MAP2: variants seen among roughly 807,000 people sequenced by gnomAD.
MAP2 encodes microtubule-associated protein 2.
In MAP2, 14 loss-of-function variants were observed where a neutral mutation model predicts 137.6. The observed-to-expected ratio is 0.10, with a 90% CI of 0.07 to 0.16. The LOEUF (loss-of-function observed/expected upper bound fraction) is 0.16. Ranked by LOEUF, MAP2 falls within the 10% of genes least tolerant of loss-of-function variation. MAP2 has a pLI of 1.00. For missense variants in MAP2, 2,088 were observed against 2,191.5 expected (o/e 0.95, Z 0.94); for synonymous variants, 786 against 782.3 (o/e 1.00, Z -0.08).
At chr2:209,440,105 A>G (rs1470974343) in intron 1 of MAP2, among the ~76,000 whole-genome samples, 2 of 151,540 alleles carry the variant, frequency 1.3e-5, no homozygotes, top group Non-Finnish European at 3.0e-5. Flanking sequence ...TGTGAACAAG[A>G]CACCATAGTC....
rs1177830571 is a variant in MAP2 at position 209,694,660 on chromosome 2, G to A, written c.2490G>A (p.Arg830=). 1.4e-5 allele frequency: 23 copies of A among 1,614,142 alleles called. No individual in the cohort carries two copies. The highest frequency in any genetic ancestry group is 1.9e-5 in the Non-Finnish European group (23 of 1,180,022). The change falls in exon 8 of 16, where the codon AGG becomes AGA. Residue 830 remains arginine (R), a synonymous_variant. Coordinates refer to ENST00000682079, the MANE Select transcript of MAP2 (RefSeq NM_001375505.1). ...ASVSADAEVA[R]RKSVPSETVV... Reference sequence around the variant, plus strand: ...TGAGTGCAGATGCTGAGGTTGCCAGGAGGAAATCAGTCCCATCAGAGACTG... The same window carrying A: ...TGAGTGCAGATGCTGAGGTTGCCAGAAGGAAATCAGTCCCATCAGAGACTG...
intron 5 of MAP2, among the ~76,000 whole-genome samples, chr2:209,676,178 T>C (rs1248981431): frequency 4.0e-5 from 6 of 151,874 alleles, no homozygotes; most frequent in Admixed American, 3.3e-4. Context: ...GAAAATGTGG[T>C]ACATATACAC....
At chr2:209,522,206 G>T (rs1298795998) in intron 2 of MAP2, among the ~76,000 whole-genome samples, 1 of 151,998 alleles carries the variant, frequency 6.6e-6, no homozygotes, top group Non-Finnish European at 1.5e-5. Context: ...AGTAAAGACA[G>T]TAATATAAAT....
intron 3 of MAP2, among the ~76,000 whole-genome samples, chr2:209,592,176 G>T (rs2079436093): frequency 6.6e-6 from 1 of 152,052 alleles, no homozygotes; most frequent in South Asian, 2.1e-4. Context: ...GGCTTTGAGG[G>T]TCATCTAATC....
intron 3 of MAP2, among the ~76,000 whole-genome samples, chr2:209,611,062 A>G (rs1409003709): frequency 6.6e-6 from 1 of 152,226 alleles, no homozygotes; most frequent in Non-Finnish European, 1.5e-5. Flanking sequence ...ATAAGTTACT[A>G]GGAAAAAATA....
intron 3 of MAP2, among the ~76,000 whole-genome samples, chr2:209,586,263 A>G (rs1446730453): frequency 6.6e-6 from 1 of 152,122 alleles, no homozygotes; most frequent in East Asian, 1.9e-4. Context: ...GGGGTGCTAC[A>G]TGTGTAATCA....
At chr2:209,652,964 T>G (rs2094907802) in intron 4 of MAP2, among the ~76,000 whole-genome samples, 178 bp from the exon 5 acceptor site, 1 of 152,214 alleles carries the variant, frequency 6.6e-6, no homozygotes, top group Admixed American at 6.5e-5. Context: ...AGAAATGGTC[T>G]GTAAAACTCA....
intron 2 of MAP2, among the ~76,000 whole-genome samples, chr2:209,530,370 C>A (rs1166793619): frequency 6.6e-6 from 1 of 152,102 alleles, no homozygotes. Flanking sequence ...TTTGAGGATT[C>A]TTTTACTTAA....
In MAP2 at chr2:209,517,881, G is replaced by GA. The variant is rs2062744463; in HGVS notation, c.-172+10246dup. On this transcript the variant is annotated intron_variant, in intron 2 of 15. Transcript: ENST00000682079. Reference sequence around the variant, plus strand: ...AAACAGATTTTTTTTTTAAATAAGAGAAAAAACAAAAAGTAAAACAGCCTA... The same window carrying GA: ...AAACAGATTTTTTTTTTAAATAAGAGAAAAAAACAAAAAGTAAAACAGCCTA... 5.9e-5 allele frequency among the ~76,000 whole-genome samples: 9 copies of GA among 151,522 alleles called. No individual in the cohort carries two copies. In the South Asian group the frequency reaches 1.5e-3, roughly 25 times the overall value.
intron 2 of MAP2, among the ~76,000 whole-genome samples, chr2:209,527,410 G>A (rs2064234347): frequency 6.6e-6 from 1 of 152,080 alleles, no homozygotes; most frequent in South Asian, 2.1e-4. Flanking sequence ...AATAATATCT[G>A]TTCAATGAAT....
At chr2:209,535,219 G>A (rs1047170690) in intron 2 of MAP2, among the ~76,000 whole-genome samples, 14 of 152,126 alleles carry the variant, frequency 9.2e-5, no homozygotes, top group Non-Finnish European at 1.6e-4. Context: ...TTCAGCTAAC[G>A]TGTTTTCAAG....
intron 1 of MAP2, among the ~76,000 whole-genome samples, chr2:209,489,998 A>G (rs758180298): frequency 6.6e-6 from 1 of 152,234 alleles, no homozygotes; most frequent in Non-Finnish European, 1.5e-5. Flanking sequence ...CAAGATTGAA[A>G]TGAAGGAAAA....
chr2:209,589,063 C>G (rs2078532375), intron 3 of MAP2, among the ~76,000 whole-genome samples: 1 of 151,992 alleles, frequency 6.6e-6, no homozygotes, highest in Non-Finnish European at 1.5e-5. Flanking sequence ...ATGGAATAAG[C>G]TCCCTATGTT....
chr2:209,719,227 G>A (rs1584505670), intron 13 of MAP2, among the ~76,000 whole-genome samples: 1 of 152,290 alleles, frequency 6.6e-6, no homozygotes, highest in African/African-American at 2.4e-5. Flanking sequence ...GAGGAAGAGA[G>A]AAACGGTGTT....
intron 2 of MAP2, among the ~76,000 whole-genome samples, chr2:209,568,684 T>C (rs1163905419): frequency 6.7e-6 from 1 of 150,152 alleles, no homozygotes; most frequent in Non-Finnish European, 1.5e-5. Context: ...ATGTAGCATT[T>C]GATTTTGTAG....
At chr2:209,523,702 T>C (rs887928209) in intron 2 of MAP2, among the ~76,000 whole-genome samples, 4 of 152,188 alleles carry the variant, frequency 2.6e-5, no homozygotes, top group Admixed American at 6.5e-5. Context: ...TTCAGCTCCA[T>C]TTGGCTTTTT....
At chr2:209,680,410 T>C (rs935159718) in intron 6 of MAP2, among the ~76,000 whole-genome samples, 6 of 152,182 alleles carry the variant, frequency 3.9e-5, no homozygotes, top group African/African-American at 1.4e-4. Context: ...TGTGTTTTCA[T>C]ATGGTAAATT....
At chr2:209,578,547 C>G (rs932215509) in intron 2 of MAP2, among the ~76,000 whole-genome samples, 5 of 151,650 alleles carry the variant, frequency 3.3e-5, no homozygotes, top group Non-Finnish European at 5.9e-5. Flanking sequence ...GATGCTTCTT[C>G]CCAGCAACCT....
intron 13 of MAP2, among the ~76,000 whole-genome samples, chr2:209,711,225 T>A (rs1346400830): frequency 6.6e-6 from 1 of 152,204 alleles, no homozygotes; most frequent in Non-Finnish European, 1.5e-5. Context: ...CCACTCTTTT[T>A]CTTGTCTCTT....
Sources: allele counts gnomAD v4.1 joint callset (sites outside exome capture counted in the v4.1 genomes callset), GRCh38; gene constraint gnomAD v4.1.1; transcripts MANE v1.5; gene names NCBI Gene and HGNC (gene_info 2026-07-23, HGNC 2026-07-21).